THSD4: variants seen among roughly 807,000 people sequenced by gnomAD.
THSD4 encodes the protein thrombospondin type-1 domain-containing protein 4.
Under a neutral mutation model 119.0 loss-of-function variants are expected in THSD4, and 69 were observed. That is an observed-to-expected ratio of 0.58 (90% CI 0.48 to 0.71). The LOEUF is 0.71. Ranked by LOEUF, THSD4 falls within the 30% of genes least tolerant of loss-of-function variation. THSD4 has a pLI of 0.00. For missense variants in THSD4, 1,393 were observed against 1,391.1 expected, an observed-to-expected ratio of 1.00 and a Z score of -0.02; for synonymous variants, 524 against 540.4, an observed-to-expected ratio of 0.97 and a Z score of 0.42.
intron 6 of THSD4, among the ~76,000 whole-genome samples, chr15:71,282,651 A>G (rs763312052): frequency 3.3e-5 from 5 of 151,892 alleles, no homozygotes; most frequent in African/African-American, 4.8e-5. Context: ...CAAGCACTTC[A>G]CTCTGAACTT....
intron 7 of THSD4, among the ~76,000 whole-genome samples, chr15:71,531,216 C>G (rs1056631959): frequency 3.9e-5 from 6 of 152,094 alleles, no homozygotes; most frequent in Non-Finnish European, 8.8e-5. Flanking sequence ...TGGCTAAGGA[C>G]TTCTTAAATT....
At chr15:71,291,548 G>C (rs1056677271) in intron 6 of THSD4, among the ~76,000 whole-genome samples, 9 of 152,122 alleles carry the variant, frequency 5.9e-5, no homozygotes, top group Admixed American at 3.3e-4. Flanking sequence ...CTTGAGGGAG[G>C]GTCAGCCTTT....
chr15:71,356,281 C>G (rs1047209893), intron 6 of THSD4, among the ~76,000 whole-genome samples: 1 of 152,174 alleles, frequency 6.6e-6, no homozygotes, highest in South Asian at 2.1e-4. Flanking sequence ...TTCTGGGGCC[C>G]GAAGCCCTTC....
chr15:71,608,237 A>AAATATATATAT (rs537013275), intron 7 of THSD4, among the ~76,000 whole-genome samples: 4 of 111,592 alleles, frequency 3.6e-5, no homozygotes, highest in African/African-American at 1.3e-4. Context: ...AAAAAAAAAA[A>AAATATATATAT]ATATATATAT....
chr15:71,656,998 A>G (rs2051204254), intron 7 of THSD4, among the ~76,000 whole-genome samples: 1 of 152,162 alleles, frequency 6.6e-6, no homozygotes, highest in Non-Finnish European at 1.5e-5. Flanking sequence ...CGCCATCCCC[A>G]GTCCCCTCAT....
chr15:71,442,862 C>A (rs922658189), intron 7 of THSD4, among the ~76,000 whole-genome samples: 3 of 150,292 alleles, frequency 2.0e-5, no homozygotes, highest in Non-Finnish European at 4.4e-5. Flanking sequence ...AGAGCAATCT[C>A]TGATTCTGGC....
intron 7 of THSD4, among the ~76,000 whole-genome samples, chr15:71,634,862 T>C (rs2279786): frequency 0.094 from 14,286 of 152,274 alleles, 762 homozygotes; most frequent in East Asian, 0.21. Flanking sequence ...CATACATTCA[T>C]TTTTCTCTAT....
chr15:71,137,826 A>G (rs1383547338), intron 1 of THSD4, among the ~76,000 whole-genome samples: 2 of 152,214 alleles, frequency 1.3e-5, no homozygotes, highest in East Asian at 3.8e-4. Context: ...ACTGATTGTA[A>G]CAATTTTTAC....
intron 7 of THSD4, among the ~76,000 whole-genome samples, chr15:71,510,880 A>C (rs891313101): frequency 1.7e-5 from 2 of 118,876 alleles, no homozygotes; most frequent in African/African-American, 6.8e-5. Context: ...GTATTGCTAT[A>C]TGCTAGGCTC....
At chr15:71,401,102 T>G (rs2046526066) in intron 6 of THSD4, among the ~76,000 whole-genome samples, 1 of 151,992 alleles carries the variant, frequency 6.6e-6, no homozygotes, top group Non-Finnish European at 1.5e-5. Flanking sequence ...TCCCAAAGTC[T>G]CTTCTTGGTG....
chr15:71,763,035 C>A (rs929147313), intron 15 of THSD4, among the ~76,000 whole-genome samples: 1 of 152,042 alleles, frequency 6.6e-6, no homozygotes, highest in African/African-American at 2.4e-5. Context: ...TGCACCACTG[C>A]ACTCTAGCCT....
chr15:71,307,713 AGCTGAGATCGCACC>A (rs1189772043), intron 6 of THSD4, among the ~76,000 whole-genome samples: 1 of 152,212 alleles, frequency 6.6e-6, no homozygotes, highest in Non-Finnish European at 1.5e-5. Flanking sequence ...GGTTGCAGTG[AGCTGAGATCGCACC>A]ACTGCACTCT....
At chr15:71,569,135 C>G (rs2049299727) in intron 7 of THSD4, among the ~76,000 whole-genome samples, 1 of 152,204 alleles carries the variant, frequency 6.6e-6, no homozygotes, top group Non-Finnish European at 1.5e-5. Flanking sequence ...ACTCAGAAAT[C>G]TAAAGTTTTA....
upstream of THSD4, among the ~76,000 whole-genome samples, chr15:71,112,901 G>T (rs866181971): frequency 6.6e-6 from 1 of 152,188 alleles, no homozygotes; most frequent in East Asian, 1.9e-4. Context: ...AGTATAGGCT[G>T]GTCTCTGTGG....
intron 8 of THSD4, among the ~76,000 whole-genome samples, chr15:71,672,117 G>A (rs1336327279): frequency 6.6e-6 from 1 of 152,170 alleles, no homozygotes; most frequent in African/African-American, 2.4e-5. Flanking sequence ...CTATCCATGA[G>A]CATGGAATGT....
chr15:71,141,386 A>G, intron 1 of THSD4, 63 bp from the exon 2 acceptor site: 1 of 888,954 alleles, frequency 1.1e-6, no homozygotes. Flanking sequence ...TTGTTGACCG[A>G]GTTACGCTTC....
intron 6 of THSD4, among the ~76,000 whole-genome samples, chr15:71,388,525 A>AG (rs897884568): frequency 6.6e-6 from 1 of 152,102 alleles, no homozygotes. Context: ...CTTTAGATGA[A>AG]GGGGGGAAAA....
chr15:71,206,337 G>A (rs1034037752), intron 3 of THSD4, among the ~76,000 whole-genome samples: 1 of 152,082 alleles, frequency 6.6e-6, no homozygotes, highest in African/African-American at 2.4e-5. Context: ...CTATGAAGTG[G>A]TCCCACCTCC....
intron 3 of THSD4, among the ~76,000 whole-genome samples, chr15:71,191,519 A>G (rs2043671277): frequency 6.6e-6 from 1 of 152,168 alleles, no homozygotes; most frequent in East Asian, 1.9e-4. Flanking sequence ...TACATCTGTT[A>G]TTCTACTTAA....
Sources: gnomAD v4.1 joint callset for allele counts (sites outside exome capture counted in the v4.1 genomes callset) on GRCh38, gnomAD v4.1.1 for gene constraint, MANE v1.5 for transcripts, NCBI Gene and HGNC (gene_info 2026-07-23, HGNC 2026-07-21) for gene names.